The following SGK1 variants were observed in gnomAD, a reference collection of about 807,000 sequenced individuals.
SGK1 encodes serum/glucocorticoid regulated kinase 1, also known as serine/threonine-protein kinase Sgk1.
A neutral mutation model predicts 64.2 loss-of-function variants in SGK1; 26 were observed. The ratio of observed to expected loss-of-function variants is 0.40; its 90% CI spans 0.30 to 0.56. SGK1 has a LOEUF of 0.56. Ranked by LOEUF, SGK1 falls within the 20% of genes least tolerant of loss-of-function variation. SGK1 has a pLI of 0.38. For synonymous variants in SGK1, 265 were observed against 239.7 expected, an observed-to-expected ratio of 1.11 and a Z score of -0.98; for missense variants, 519 against 645.6, an observed-to-expected ratio of 0.80 and a Z score of 2.12.
chr6:134,185,555 A>AGT (rs55653141), intron 3 of SGK1, among the ~76,000 whole-genome samples: 8,640 of 145,344 alleles, frequency 0.059, 425 homozygotes, highest in African/African-American at 0.13. Flanking sequence ...TATCTCTATG[A>AGT]GTGTGTGTGT....
intron 3 of SGK1, among the ~76,000 whole-genome samples, chr6:134,182,302 C>T (rs571389090): frequency 1.9e-4 from 29 of 151,896 alleles, no homozygotes; most frequent in African/African-American, 5.1e-4. Flanking sequence ...AATCCTAGCA[C>T]TTTGGGAGGC....
In SGK1 at chr6:134,187,636, C is replaced by A. The variant is rs537088422; in HGVS notation, c.362-13050G>T. On this transcript the variant is annotated intron_variant, in intron 3 of 13. Coordinates refer to ENST00000367858, the MANE Select transcript of SGK1 (RefSeq NM_001143676.3). ...AGGATGATGGGAAACATGGTTAAGA[C>A]CAGTGAATTCCAGGAGCATGGGCCC... Among the ~76,000 whole-genome samples, 4 of 152,326 alleles carry A rather than the reference C, an allele frequency of 2.6e-5. No individual in the cohort carries two copies. The South Asian group carries it at 8.3e-4, about 32-fold the overall frequency.
At chr6:134,178,512 C>G (rs1216679928) in intron 3 of SGK1, among the ~76,000 whole-genome samples, 1 of 152,218 alleles carries the variant, frequency 6.6e-6, no homozygotes, top group East Asian at 1.9e-4. Context: ...AACTCTTGAT[C>G]TGTTCTTCCT....
intron 3 of SGK1, among the ~76,000 whole-genome samples, chr6:134,200,986 C>T (rs1446455745): frequency 1.3e-5 from 2 of 151,950 alleles, no homozygotes; most frequent in Non-Finnish European, 2.9e-5. Context: ...AATGAAAATA[C>T]TCCATTCACT....
At chr6:134,256,550 C>T (rs573362013) in intron 2 of SGK1, among the ~76,000 whole-genome samples, 15 of 152,250 alleles carry the variant, frequency 9.9e-5, no homozygotes, top group African/African-American at 3.6e-4. Flanking sequence ...ACTAAAGGTG[C>T]CGTGGGAGAT....
intron 2 of SGK1, among the ~76,000 whole-genome samples, chr6:134,248,608 C>T (rs1219858313): frequency 3.3e-5 from 5 of 151,856 alleles, no homozygotes; most frequent in Non-Finnish European, 5.9e-5. Flanking sequence ...TGTGCCACGA[C>T]GCCCAGATAG....
chr6:134,191,304 C>T (rs1333102199), intron 3 of SGK1, among the ~76,000 whole-genome samples: 1 of 152,144 alleles, frequency 6.6e-6, no homozygotes, highest in Non-Finnish European at 1.5e-5. Context: ...TCTTAAGAAA[C>T]AGGAACATCC....
chr6:134,291,019 C>T (rs1309095948), intron 1 of SGK1, among the ~76,000 whole-genome samples: 1 of 152,122 alleles, frequency 6.6e-6, no homozygotes, highest in Non-Finnish European at 1.5e-5. Context: ...TGCTTGAGGG[C>T]TTGTTGCTGA....
chr6:134,203,053 G>A (rs918927865), intron 3 of SGK1, among the ~76,000 whole-genome samples: 5 of 152,144 alleles, frequency 3.3e-5, no homozygotes, highest in African/African-American at 1.2e-4. Flanking sequence ...AGGCCAGCCT[G>A]GCCAACATAC....
intron 1 of SGK1, among the ~76,000 whole-genome samples, chr6:134,292,321 G>C (rs188371508): frequency 6.6e-6 from 1 of 152,066 alleles, no homozygotes; most frequent in African/African-American, 2.4e-5. Flanking sequence ...GGCCGGGCGC[G>C]GTGGCTCATG....
chr6:134,202,006 T>G (rs1278603223), intron 3 of SGK1, among the ~76,000 whole-genome samples: 10 of 152,074 alleles, frequency 6.6e-5, no homozygotes, highest in Admixed American at 6.6e-4. Flanking sequence ...ACCTGAGAGA[T>G]CTACATCTTA....
At chr6:134,216,757 G>A (rs989224598) in intron 2 of SGK1, among the ~76,000 whole-genome samples, 1 of 152,168 alleles carries the variant, frequency 6.6e-6, no homozygotes, top group African/African-American at 2.4e-5. Context: ...AATAATATGG[G>A]CAAAGTTGTT....
At chr6:134,224,136 A>G (rs186895532) in intron 2 of SGK1, among the ~76,000 whole-genome samples, 1 of 152,362 alleles carries the variant, frequency 6.6e-6, no homozygotes, top group African/African-American at 2.4e-5. Flanking sequence ...ATTTTTCTGC[A>G]TAAGCAAAAA....
chr6:134,215,605 G>A (rs577756392), intron 2 of SGK1, among the ~76,000 whole-genome samples: 13 of 152,140 alleles, frequency 8.5e-5, no homozygotes, highest in African/African-American at 2.9e-4. Context: ...GAGCACATGC[G>A]CGCGGTGGCT....
rs6940881 is a variant in SGK1 at position 134,294,776 on chromosome 6, C to G, written c.69+22616G>C. ...TGGTCTCGAACTCCTGATCCTCCCC[C>G]CTTGGCCTCCCAAAGTGCTGGGAAT... On this transcript the variant is annotated intron_variant, in intron 1 of 13. Transcript: ENST00000367858. Among the ~76,000 whole-genome samples the G allele has an allele frequency of 3.6e-3, 552 of 152,142 alleles. 1 individual carries two copies. The highest frequency in any genetic ancestry group is 6.8e-3 in the Middle Eastern group (2 of 294).
At chr6:134,218,786 A>T (rs1468147559) in intron 2 of SGK1, 1 of 152,156 alleles carries the variant, frequency 6.6e-6, no homozygotes, top group Admixed American at 6.5e-5. Flanking sequence ...TGGAGGCAAT[A>T]AGTACGGACA....
At chr6:134,185,903 G>C (rs186394163) in intron 3 of SGK1, among the ~76,000 whole-genome samples, 4 of 152,148 alleles carry the variant, frequency 2.6e-5, no homozygotes, top group East Asian at 3.9e-4. Context: ...CCAGGAGAGT[G>C]AGTGACCTAC....
chr6:134,239,909 A>G (rs969430366), intron 2 of SGK1, among the ~76,000 whole-genome samples: 26 of 152,334 alleles, frequency 1.7e-4, no homozygotes, highest in African/African-American at 6.0e-4. Context: ...GAGGCAGTGG[A>G]TAAGAGAAAT....
intron 3 of SGK1, among the ~76,000 whole-genome samples, chr6:134,200,372 CTT>C (rs1775661943): frequency 6.6e-6 from 1 of 152,056 alleles, no homozygotes; most frequent in African/African-American, 2.4e-5. Flanking sequence ...TAAAAAATGA[CTT>C]TTGTTTTTCC....
Sources: gnomAD v4.1 joint callset for allele counts (sites outside exome capture counted in the v4.1 genomes callset) on GRCh38, gnomAD v4.1.1 for gene constraint, MANE v1.5 for transcripts, NCBI Gene and HGNC (gene_info 2026-07-23, HGNC 2026-07-21) for gene names.